LPP: variants seen among roughly 807,000 people sequenced by gnomAD.
LPP encodes lipoma-preferred partner.
A neutral mutation model predicts 60.4 loss-of-function variants in LPP; 38 were observed. That is an observed-to-expected ratio of 0.63 (90% CI 0.49 to 0.83). The LOEUF (loss-of-function observed/expected upper bound fraction) is 0.83. LPP is among the 40% of genes least tolerant of loss of function. The pLI is 0.00. For missense variants in LPP, 902 were observed against 783.6 expected (o/e 1.15, Z -1.80); for synonymous variants, 328 against 290.8 (o/e 1.13, Z -1.30).
chr3:188,159,241 C>T (rs961550457), intron 1 of LPP, among the ~76,000 whole-genome samples: 4 of 152,148 alleles, frequency 2.6e-5, no homozygotes, highest in South Asian at 2.1e-4. Context: ...ATAGCTTCTG[C>T]GTCCTCTAGG....
chr3:188,302,153 C>A lies in LPP; in HGVS notation c.-66-39510C>A, dbSNP rs78421771. 9.3e-3 allele frequency among the ~76,000 whole-genome samples: 1,423 copies of A among 152,198 alleles called. 13 individuals carry two copies. Among genetic ancestry groups the A allele is most frequent in the Non-Finnish European group, 0.013 (890 of 68,010 alleles). On this transcript the variant is annotated intron_variant, in intron 2 of 11. Transcript: ENST00000617246. ...CATTTTTCTTCTGATTCTGAGAAAG[C>A]TGCTTTGCATTTACTCTCTCGTTTA...
intron 7 of LPP, among the ~76,000 whole-genome samples, chr3:188,695,333 G>A (rs1487132738): frequency 6.6e-6 from 1 of 152,142 alleles, no homozygotes; most frequent in Non-Finnish European, 1.5e-5. Flanking sequence ...AATATTAAAT[G>A]TTGCTGGTCT....
rs140344445 is a variant in LPP, at chr3:188,632,254, A to T, written c.1113+22410A>T. On this transcript the variant is annotated intron_variant, in intron 7 of 11. Transcript: ENST00000617246. ...ATGTCTACAGCACTGCATAGAAAGT[A>T]ATGGGTAACCTAAGTGGTTACAAAT... is the stretch of plus-strand genomic sequence containing the variant. Among the ~76,000 whole-genome samples the T allele has an allele frequency of 1.3e-3, 202 of 152,318 alleles. 1 individual carries two copies. The highest frequency in any genetic ancestry group is 4.7e-3 in the African/African-American group (196 of 41,572).
At chr3:188,669,519 T>C (rs1415676230) in intron 7 of LPP, among the ~76,000 whole-genome samples, 3 of 151,992 alleles carry the variant, frequency 2.0e-5, no homozygotes, top group Non-Finnish European at 2.9e-5. Flanking sequence ...GAGCTTGCAG[T>C]GAGCCGAGAT....
chr3:188,324,395 C>A (rs1358639095), intron 2 of LPP, among the ~76,000 whole-genome samples: 1 of 152,176 alleles, frequency 6.6e-6, no homozygotes, highest in Non-Finnish European at 1.5e-5. Flanking sequence ...TCTCCTAGAG[C>A]CTTGGTTCTC....
intron 1 of LPP, among the ~76,000 whole-genome samples, chr3:188,156,857 C>CT (rs1240284767): frequency 2.0e-5 from 3 of 151,404 alleles, no homozygotes; most frequent in Admixed American, 2.0e-4. Context: ...CCCCACCCCC[C>CT]CAAGAAAAAT....
chr3:188,860,426 A>C (rs1412823066), intron 9 of LPP, among the ~76,000 whole-genome samples: 3 of 152,066 alleles, frequency 2.0e-5, no homozygotes, highest in Non-Finnish European at 4.4e-5. Context: ...ATCCCAGTTC[A>C]TGTGGAAAAT....
At chr3:188,593,398 TTAATA>T (rs1839345484) in intron 6 of LPP, among the ~76,000 whole-genome samples, 1 of 152,146 alleles carries the variant, frequency 6.6e-6, no homozygotes, top group South Asian at 2.1e-4. Context: ...ATTTCATACT[TTAATA>T]TATTCATTCA....
chr3:188,832,288 G>A (rs772528930), intron 9 of LPP, among the ~76,000 whole-genome samples: 11 of 152,164 alleles, frequency 7.2e-5, no homozygotes, highest in Admixed American at 4.6e-4. Flanking sequence ...ATGAGGCAAG[G>A]AGCTGTGAGC....
At position 188,164,462 on chromosome 3, in the gene LPP, A is replaced by C. The variant is rs139218074; in HGVS notation, c.-190+10210A>C. ...GTACTTCCTAGTGAATTTCCACTGA[A>C]GATGGTTCTTGTTTAGTTCAAGGAA... is the stretch of plus-strand genomic sequence containing the variant. On this transcript the variant is annotated intron_variant, in intron 1 of 11. Coordinates refer to ENST00000617246, the MANE Select transcript of LPP (RefSeq NM_001375462.1). Among the ~76,000 whole-genome samples the C allele has an allele frequency of 1.6e-4, 24 of 152,324 alleles. 2 individuals carry two copies. Among genetic ancestry groups the C allele is most frequent in the Admixed American group, 1.5e-3 (23 of 15,300 alleles).
At position 188,325,035 on chromosome 3, in the gene LPP, C is replaced by T. The variant is rs947656390; in HGVS notation, c.-66-16628C>T. On this transcript the variant is annotated intron_variant, in intron 2 of 11. Transcript: ENST00000617246. ...CGCTCTTGTCTCCCAGGCTGGAGTG[C>T]GATGGTGCGATCTCGGCTCACTGCA... Among the ~76,000 whole-genome samples the T allele has an allele frequency of 2.0e-5, 3 of 151,950 alleles. No homozygotes were observed. In the South Asian group the frequency reaches 6.2e-4, roughly 32 times the overall value.
chr3:188,421,388 C>G (rs899621442), intron 4 of LPP, among the ~76,000 whole-genome samples: 2 of 152,088 alleles, frequency 1.3e-5, no homozygotes, highest in Non-Finnish European at 2.9e-5. Flanking sequence ...GCTAAAATTG[C>G]AAACATCTGG....
chr3:188,721,515 C>T (rs539687507), intron 8 of LPP, among the ~76,000 whole-genome samples: 4 of 152,244 alleles, frequency 2.6e-5, no homozygotes, highest in Admixed American at 6.5e-5. Context: ...GATTGCACCA[C>T]CGCACTCCAG....
intron 3 of LPP, among the ~76,000 whole-genome samples, chr3:188,404,946 T>C (rs940067836): frequency 2.6e-5 from 4 of 152,166 alleles, no homozygotes; most frequent in African/African-American, 7.2e-5. Flanking sequence ...GAGAGGTGAT[T>C]GGCTTACCCT....
At chr3:188,214,419 C>T (rs945676400) in intron 1 of LPP, among the ~76,000 whole-genome samples, 2 of 152,192 alleles carry the variant, frequency 1.3e-5, no homozygotes, top group African/African-American at 4.8e-5. Context: ...GCATGAGCTG[C>T]TGCACCTGGC....
chr3:188,592,557 G>GTTTTTTTTTTTTTTTTTTTTT lies in LPP; in HGVS notation c.430-16598_430-16597insTTTTTTTTTTTTTTTTTTTTT, dbSNP rs1553936333. Among the ~76,000 whole-genome samples, 16 of 85,742 alleles carry GTTTTTTTTTTTTTTTTTTTTT rather than the reference G, an allele frequency of 1.9e-4. 1 individual carries two copies. Among genetic ancestry groups the GTTTTTTTTTTTTTTTTTTTTT allele is most frequent in the African/African-American group, 6.3e-4 (14 of 22,112 alleles). 56.3% of individuals were successfully genotyped at this position (85,742 alleles called of 152,430 possible). A position where few individuals can be genotyped will look rare whatever the true frequency, so the allele number is the denominator to read the frequency against. On this transcript the variant is annotated intron_variant, in intron 6 of 11. Transcript: ENST00000617246. ...TATCACTGTTTTTAGTTTTGTTTTT[G>GTTTTTTTTTTTTTTTTTTTTT]TTTTTTAAATGGAGTCTCACTCTTT... is the stretch of plus-strand genomic sequence containing the variant.
intron 2 of LPP, among the ~76,000 whole-genome samples, chr3:188,327,816 T>TGGG (rs1190728937): frequency 6.6e-6 from 1 of 152,174 alleles, no homozygotes; most frequent in Non-Finnish European, 1.5e-5. Flanking sequence ...CCTGTCTAGT[T>TGGG]CAGTGGTTTC....
chr3:188,663,225 T>C (rs1181206471), intron 7 of LPP, among the ~76,000 whole-genome samples: 1 of 152,138 alleles, frequency 6.6e-6, no homozygotes, highest in African/African-American at 2.4e-5. Context: ...GGTCTTTCCA[T>C]GTGAGACATC....
At chr3:188,177,484 C>CT (rs1327262013) in intron 1 of LPP, among the ~76,000 whole-genome samples, 11 of 152,138 alleles carry the variant, frequency 7.2e-5, no homozygotes, top group Admixed American at 5.9e-4. Context: ...TGATTTCTGC[C>CT]TTTATTTAGC....
Sources: allele counts gnomAD v4.1 joint callset (sites outside exome capture counted in the v4.1 genomes callset), GRCh38; gene constraint gnomAD v4.1.1; transcripts MANE v1.5; gene names NCBI Gene and HGNC (gene_info 2026-07-23, HGNC 2026-07-21).